The following MAGI2 variants were observed in gnomAD, a reference collection of about 807,000 sequenced individuals.
MAGI2 encodes membrane-associated guanylate kinase, WW and PDZ domain-containing protein 2.
A neutral mutation model predicts 133.3 loss-of-function variants in MAGI2; 35 were observed. The ratio of observed to expected loss-of-function variants is 0.26; its 90% CI spans 0.20 to 0.35. The LOEUF is 0.35. Ranked by LOEUF, MAGI2 falls within the 10% of genes least tolerant of loss-of-function variation. The probability of loss-of-function intolerance (pLI) is 1.00; values close to 1 mark genes in which losing one functional copy is unlikely to be tolerated. For missense variants in MAGI2, 1,636 were observed against 1,863.4 expected, an observed-to-expected ratio of 0.88 and a Z score of 2.25; for synonymous variants, 729 against 710.6, an observed-to-expected ratio of 1.03 and a Z score of -0.41.
chr7:78,669,010 A>C (rs929467351), intron 2 of MAGI2, among the ~76,000 whole-genome samples: 6 of 152,124 alleles, frequency 3.9e-5, no homozygotes, highest in Non-Finnish European at 5.9e-5. Context: ...AATTAAAAGA[A>C]CTAGAAAAGC....
At chr7:78,986,048 T>G (rs541654270) in intron 2 of MAGI2, among the ~76,000 whole-genome samples, 1 of 152,200 alleles carries the variant, frequency 6.6e-6, no homozygotes, top group South Asian at 2.1e-4. Context: ...GCTGTGTTTA[T>G]AAATTCTGTG....
At chr7:78,444,146 G>T (rs7802920) in intron 6 of MAGI2, among the ~76,000 whole-genome samples, 144,865 of 152,082 alleles carry the variant, frequency 0.95, 69,098 homozygotes, top group East Asian at 0.98. Context: ...AACACTGAAC[G>T]GGAACCTTCA....
intron 6 of MAGI2, among the ~76,000 whole-genome samples, chr7:78,403,237 G>C (rs1246212309): frequency 1.3e-5 from 2 of 151,918 alleles, no homozygotes; most frequent in Non-Finnish European, 2.9e-5. Context: ...ACCTATGAGT[G>C]AGAACATGCG....
At chr7:78,085,617 A>G (rs924947841) in intron 20 of MAGI2, among the ~76,000 whole-genome samples, 1 of 151,370 alleles carries the variant, frequency 6.6e-6, no homozygotes, top group African/African-American at 2.4e-5. Flanking sequence ...AAGTCCCAGC[A>G]TCTCTTGAGA....
At chr7:78,998,417 C>A (rs765017018) in intron 2 of MAGI2, among the ~76,000 whole-genome samples, 14 of 152,108 alleles carry the variant, frequency 9.2e-5, no homozygotes, top group Non-Finnish European at 1.6e-4. Flanking sequence ...TTACTCCCCC[C>A]TCCCTCCCCT....
At chr7:78,636,326 A>G (rs1023789260) in intron 2 of MAGI2, among the ~76,000 whole-genome samples, 21 of 148,890 alleles carry the variant, frequency 1.4e-4, no homozygotes, top group African/African-American at 4.9e-4. Context: ...TATACTAACA[A>G]TGTTAGGTAT....
intron 2 of MAGI2, among the ~76,000 whole-genome samples, chr7:78,799,051 G>C (rs1321989520): frequency 1.3e-5 from 2 of 152,152 alleles, no homozygotes; most frequent in African/African-American, 4.8e-5. Flanking sequence ...AGATTGTTGA[G>C]GGTTAATAAC....
chr7:78,903,878 GT>G (rs1357081893), intron 2 of MAGI2: 1 of 152,130 alleles, frequency 6.6e-6, no homozygotes, highest in Non-Finnish European at 1.5e-5. Flanking sequence ...TTTATTCCCT[GT>G]TGCACAGTGA....
chr7:78,594,207 T>C (rs1391969933), intron 3 of MAGI2, among the ~76,000 whole-genome samples: 2 of 152,220 alleles, frequency 1.3e-5, no homozygotes, highest in African/African-American at 4.8e-5. Flanking sequence ...TGGCAGAAGC[T>C]TGTCATTTGT....
At chr7:78,933,044 C>A (rs915786402) in intron 2 of MAGI2, among the ~76,000 whole-genome samples, 1 of 151,896 alleles carries the variant, frequency 6.6e-6, no homozygotes, top group African/African-American at 2.4e-5. Context: ...TTTTACCAGT[C>A]GATTATTATG....
intron 1 of MAGI2, among the ~76,000 whole-genome samples, chr7:79,378,908 A>G (rs1331307096): frequency 3.3e-5 from 3 of 90,568 alleles, no homozygotes; most frequent in African/African-American, 1.3e-4. Flanking sequence ...CTTCTTTTAT[A>G]TATATATATG....
chr7:79,153,747 A>T (rs897350110), intron 1 of MAGI2, among the ~76,000 whole-genome samples: 1 of 152,188 alleles, frequency 6.6e-6, no homozygotes, highest in African/African-American at 2.4e-5. Context: ...TTTGATGTCA[A>T]TGGAGGACAG....
At chr7:79,145,531 C>T (rs1264613573) in intron 1 of MAGI2, among the ~76,000 whole-genome samples, 2 of 151,792 alleles carry the variant, frequency 1.3e-5, no homozygotes, top group South Asian at 2.1e-4. Flanking sequence ...TTAGGGAGAG[C>T]AAACAGGAAG....
intron 1 of MAGI2, among the ~76,000 whole-genome samples, chr7:79,235,378 C>T (rs1216908217): frequency 2.6e-5 from 4 of 151,886 alleles, no homozygotes; most frequent in Admixed American, 1.3e-4. Context: ...CAATGGCGGG[C>T]GCCCCTCCCC....
chr7:78,512,633 T>C (rs989988047), intron 4 of MAGI2, among the ~76,000 whole-genome samples: 1 of 152,206 alleles, frequency 6.6e-6, no homozygotes, highest in Non-Finnish European at 1.5e-5. Context: ...CTTGAATTCC[T>C]GACCTTGTGA....
chr7:78,730,415 A>C (rs111740983), intron 2 of MAGI2, among the ~76,000 whole-genome samples: 3 of 27,234 alleles, frequency 1.1e-4, no homozygotes, highest in Non-Finnish European at 8.5e-5. Context: ...ACTAAGCCAA[A>C]AAAAAAAAAA....
At chr7:79,150,583 C>A (rs964058821) in intron 1 of MAGI2, among the ~76,000 whole-genome samples, 2 of 152,018 alleles carry the variant, frequency 1.3e-5, no homozygotes, top group African/African-American at 4.8e-5. Flanking sequence ...ATAATGTGTT[C>A]TAAAAGTACT....
In MAGI2 at chr7:78,195,107, C is replaced by T. The variant is rs779935176; in HGVS notation, c.2080-44G>A. ...CAGAGAAAATGACTGACAAATTCTTCCTGGCTATTTCTCTTGTCACCTTTA... is the reference window on the plus strand; with the variant it reads ...CAGAGAAAATGACTGACAAATTCTTTCTGGCTATTTCTCTTGTCACCTTTA... On this transcript the variant is annotated intron_variant, in intron 11 of 21. Coordinates refer to ENST00000354212, the MANE Select transcript of MAGI2 (RefSeq NM_012301.4). 8.0e-5 allele frequency: 120 copies of T among 1,500,810 alleles called. 1 individual carries two copies. The highest frequency in any genetic ancestry group is 1.0e-4 in the Non-Finnish European group (116 of 1,110,856). The allele number at this position is 1,500,810 out of a possible 1,614,324, so 93.0% of individuals were successfully genotyped here. A position where few individuals can be genotyped will look rare whatever the true frequency, so the allele number is the denominator to read the frequency against.
intron 2 of MAGI2, among the ~76,000 whole-genome samples, chr7:78,652,436 C>G (rs770832888): frequency 5.6e-4 from 85 of 152,092 alleles, no homozygotes; most frequent in Non-Finnish European, 1.1e-3. Context: ...AATATACAGA[C>G]AAATGGAACA....
Sources: allele counts gnomAD v4.1 joint callset (sites outside exome capture counted in the v4.1 genomes callset), GRCh38; gene constraint gnomAD v4.1.1; transcripts MANE v1.5; gene names NCBI Gene and HGNC (gene_info 2026-07-23, HGNC 2026-07-21).